The following LRP1 variants were observed in gnomAD, a reference collection of about 807,000 sequenced individuals.
LRP1 encodes LDL receptor related protein 1.
In LRP1, 51 loss-of-function variants were observed where a neutral mutation model predicts 541.5. The ratio of observed to expected loss-of-function variants is 0.09; its 90% CI spans 0.08 to 0.12. The LOEUF (loss-of-function observed/expected upper bound fraction) is 0.12. Ranked by LOEUF, LRP1 falls within the 10% of genes least tolerant of loss-of-function variation. LRP1 has a pLI of 1.00. For synonymous variants in LRP1, 2,219 were observed against 2,470.8 expected, an observed-to-expected ratio of 0.90 and a Z score of 3.02; for missense variants, 3,878 against 6,376.2, an observed-to-expected ratio of 0.61 and a Z score of 13.34.
rs772469971 is a variant in LRP1, at chr12:57,201,487, C to T, written c.10346-10C>T. On this transcript the variant is annotated splice_polypyrimidine_tract_variant and intron_variant, in intron 65 of 88. Coordinates refer to ENST00000243077, the MANE Select transcript of LRP1 (RefSeq NM_002332.3). This position sits in a 1 kb window ranked among gnomAD's most constrained non-coding sequence, Gnocchi z 6.4. ...AAGGGAGGGCCCTCATTCTCTTGCC[C>T]ACCCCACAGCCGAGGTGACCTGCGC... 8 of 1,603,724 alleles carry T rather than the reference C, an allele frequency of 5.0e-6. No homozygotes were observed. The highest frequency in any genetic ancestry group is 6.0e-6 in the Non-Finnish European group (7 of 1,173,310).
intron 80 of LRP1, 69 bp from the exon 81 acceptor site, chr12:57,209,960 C>T: frequency 1.3e-6 from 2 of 1,586,282 alleles, no homozygotes; most frequent in Non-Finnish European, 1.7e-6. Context: ...GAGAGGGGGT[C>T]ACCCTGGGCT....
At chr12:57,176,674 C>T (rs549032947) in intron 24 of LRP1, among the ~76,000 whole-genome samples, 2 of 152,192 alleles carry the variant, frequency 1.3e-5, no homozygotes, top group East Asian at 1.9e-4. Flanking sequence ...TGTCCATCAA[C>T]GAGGGGGGAG....
rs1306434164 is a variant in LRP1, at chr12:57,166,950, C to A, written c.2818C>A (p.Gln940Lys). The A allele has an allele frequency of 1.9e-6, 3 of 1,613,910 alleles. No individual in the cohort carries two copies. Among genetic ancestry groups the A allele is most frequent in the Non-Finnish European group, 1.7e-6 (2 of 1,179,778 alleles). The stretch of plus-strand genomic sequence containing the variant: ...CCCAGCCCGCACCTGCCCCCCCAAC[C>A]AGTTCTCCTGTGCCAGTGGCCGCTG... The part of the protein sequence containing the change: ...TCSARTCPPN[Q>K]FSCASGRCIP... The change falls in exon 18 of 89, where the codon CAG (glutamine) becomes AAG (lysine). Residue 940 changes from glutamine to lysine, a missense_variant. Gln to Lys is a moderately conservative substitution (Grantham distance 53). Around this residue, in one of 13 missense-constraint regions of LRP1, gnomAD observed 29 missense variants for 20.7 expected, o/e 1.40. Transcript: ENST00000243077.
chr12:57,187,105 C>A (rs964341759), intron 41 of LRP1, among the ~76,000 whole-genome samples, 162 bp from the exon 42 acceptor site: 1 of 152,184 alleles, frequency 6.6e-6, no homozygotes, highest in African/African-American at 2.4e-5. Context: ...CTGAGTCAGA[C>A]CCTGGTGCCC....
intron 78 of LRP1, 131 bp from the exon 79 acceptor site, chr12:57,208,952 C>A (rs2036848723): frequency 1.9e-6 from 2 of 1,071,442 alleles, no homozygotes; most frequent in Non-Finnish European, 2.8e-6. Flanking sequence ...GCCGTGGAGG[C>A]TTTTCCCGAA....
At chr12:57,151,212 G>A (rs1250756903) in intron 6 of LRP1, among the ~76,000 whole-genome samples, 8 of 152,180 alleles carry the variant, frequency 5.3e-5, no homozygotes, top group Admixed American at 5.2e-4. Context: ...TGATGGAGAA[G>A]TTGAGAAAAG....
Position 57,206,542 on chromosome 12 carries a change from A to G in LRP1, c.11660A>G (p.His3887Arg). The change falls in exon 76 of 89, where the codon CAT becomes CGT. Residue 3887 changes from histidine (H) to arginine (R), a missense_variant. By Grantham distance (29) the His-to-Arg change is conservative (BLOSUM62 0). This residue lies in a region of LRP1 where 871 missense variants were observed against 1,212.4 expected (regional missense o/e 0.72). Transcript: ENST00000243077. This position sits in a 1 kb window ranked among gnomAD's most constrained non-coding sequence, Gnocchi z 4.7. ...CGCAGCCTGTTCCCCGGCCACCCCC[A>G]TTCGGCTTACGAGCAGGCATTCCAG... ...EIRSLFPGHPHSAYEQAFQGD... is the reference protein window; with the variant it reads ...EIRSLFPGHPRSAYEQAFQGD... 6.2e-7 allele frequency: 1 copy of G among 1,614,166 alleles called. No individual in the cohort carries two copies. Among genetic ancestry groups the G allele is most frequent in the Non-Finnish European group, 8.5e-7 (1 of 1,180,042 alleles).
chr12:57,209,220 G>GCAGT (rs781198457), intron 79 of LRP1, 21 bp downstream of exon 79: 4 of 1,586,470 alleles, frequency 2.5e-6, no homozygotes, highest in Non-Finnish European at 3.5e-6. Context: ...GGCATAAGTC[G>GCAGT]CAGTCCCCAG....
chr12:57,153,497 C>T (rs1290779982), intron 6 of LRP1, among the ~76,000 whole-genome samples: 1 of 152,122 alleles, frequency 6.6e-6, no homozygotes, highest in Non-Finnish European at 1.5e-5. Flanking sequence ...TCATGGCCCT[C>T]CTCCTAGACT....
intron 34 of LRP1, among the ~76,000 whole-genome samples, chr12:57,181,968 A>C (rs1471265675): frequency 6.6e-6 from 1 of 152,230 alleles, no homozygotes; most frequent in Non-Finnish European, 1.5e-5. Context: ...TTACCAAAAG[A>C]AACTCTGAGT....
Position 57,197,263 on chromosome 12 carries a change from T to C in LRP1, c.9077-36T>C. ...AGGCAGGAGACCAGGGCCGCTAGAA[T>C]GTGCCAGGAGCTGAGGCAAGATCCT... On this transcript the variant is annotated intron_variant, in intron 56 of 88. Transcript: ENST00000243077. This position sits in a 1 kb window ranked among gnomAD's most constrained non-coding sequence, Gnocchi z 4.5. 1.9e-6 allele frequency: 3 copies of C among 1,613,280 alleles called. No homozygotes were observed. The highest frequency in any genetic ancestry group is 1.7e-6 in the Non-Finnish European group (2 of 1,179,238).
chr12:57,176,969 C>A, intron 24 of LRP1, 72 bp from the exon 25 acceptor site: 3 of 1,360,140 alleles, frequency 2.2e-6, no homozygotes, highest in Non-Finnish European at 3.1e-6. Flanking sequence ...TCATCGAGGG[C>A]TCCCAGGATT....
chr12:57,196,260 C>G lies in LRP1; in HGVS notation c.8875C>G (p.Leu2959Val). The stretch of plus-strand genomic sequence containing the variant: ...TGGCTGCAGCCAGGACTGTGAGGAC[C>G]TCAAGATCGGCTTCAAGGTATGCCC... ...LSGCSQDCED[L>V]KIGFKCRCRP... The change falls in exon 55 of 89, where the codon CTC becomes GTC. Residue 2959 changes from leucine to valine, a missense_variant. Physicochemically the swap from Leu to Val is conservative, Grantham distance 32. This residue lies in a region of LRP1 where 1,100 missense variants were observed against 1,827.4 expected (regional missense o/e 0.60). Transcript: ENST00000243077. 1.3e-6 allele frequency: 2 copies of G among 1,593,724 alleles called. No homozygotes were observed. Among genetic ancestry groups the G allele is most frequent in the East Asian group, 4.5e-5 (2 of 44,396 alleles).
chr12:57,143,720 T>C lies in LRP1; in HGVS notation c.370T>C (p.Cys124Arg). 6.2e-7 allele frequency: 1 copy of C among 1,614,172 alleles called. No homozygotes were observed. Among genetic ancestry groups the C allele is most frequent in the Non-Finnish European group, 8.5e-7 (1 of 1,179,992 alleles). The stretch of plus-strand genomic sequence containing the variant: ...CTCTCGCCTGGGCTGCCAGCACCAT[T>C]GTGTCCCCACACTCGATGGGCCCAC... ...NCSRLGCQHHCVPTLDGPTCY... is the reference protein window; with the variant it reads ...NCSRLGCQHHRVPTLDGPTCY... Residue 124 changes from cysteine to arginine, a missense_variant, in exon 4 of 89, where the codon TGT (cysteine) becomes CGT (arginine). Cys to Arg is a radical substitution (Grantham distance 180). Coordinates refer to ENST00000243077, the MANE Select transcript of LRP1 (RefSeq NM_002332.3).
rs764194774 is a variant in LRP1, at chr12:57,210,282, G to C, written c.12581-25G>C. On this transcript the variant is annotated intron_variant, in intron 81 of 88. Transcript: ENST00000243077. ...CCTCTCCTCCTATTCCCCTGGCTCT[G>C]CCCCTTGACGGGCCCTTCCTGCAGC... 2.6e-6 allele frequency: 4 copies of C among 1,548,294 alleles called. No individual in the cohort carries two copies. In the South Asian group the frequency reaches 5.0e-5, roughly 19 times the overall value.
At chr12:57,208,689 C>A in intron 77 of LRP1, 22 bp from the exon 78 acceptor site, 7 of 1,546,706 alleles carry the variant, frequency 4.5e-6, no homozygotes, top group Non-Finnish European at 6.2e-6. Flanking sequence ...CCTGCCCACA[C>A]TCACCCCTTC....
rs765719173 is a variant in LRP1 at position 57,211,269 on chromosome 12, C to T, written c.13010C>T (p.Ser4337Leu). Residue 4337 changes from serine to leucine, a missense_variant, in exon 84 of 89, where the codon TCG becomes TTG. Physicochemically the swap from Ser to Leu is moderately radical, Grantham distance 145. Coordinates refer to ENST00000243077, the MANE Select transcript of LRP1 (RefSeq NM_002332.3). The surrounding 1 kb of genome is among the most constrained non-coding windows in gnomAD (Gnocchi z 4.3). ...CGCTGCACTGCCTACTTTGAGGGAT[C>T]GAGGTGTGAGGTGAACAAGTGCAGC... ...QCRCTAYFEG[S>L]RCEVNKCSRC... 15 of 1,614,076 alleles carry T rather than the reference C, an allele frequency of 9.3e-6. 1 individual carries two copies. Among genetic ancestry groups the T allele is most frequent in the South Asian group, 2.2e-5 (2 of 91,086 alleles).
chr12:57,203,552 C>G (rs968437290), intron 70 of LRP1, 31 bp downstream of exon 70: 4 of 1,481,726 alleles, frequency 2.7e-6, no homozygotes, highest in Non-Finnish European at 3.6e-6. Context: ...TCCCTGGGTC[C>G]TCCCTCTGCT....
chr12:57,160,292 G>T (rs901350010), intron 12 of LRP1, among the ~76,000 whole-genome samples: 1 of 152,142 alleles, frequency 6.6e-6, no homozygotes, highest in Non-Finnish European at 1.5e-5. Flanking sequence ...CAGCCCCACA[G>T]TGTCTGCCTG....
Sources: gnomAD v4.1 joint callset for allele counts (sites outside exome capture counted in the v4.1 genomes callset) on GRCh38, gnomAD v4.1.1 for gene constraint, gnomAD v4.1.1 regional missense constraint, Gnocchi (gnomAD v3.1) non-coding constraint, MANE v1.5 for transcripts, NCBI Gene and HGNC (gene_info 2026-07-23, HGNC 2026-07-21) for gene names.